CLINT1: variants seen among roughly 807,000 people sequenced by gnomAD.
CLINT1 encodes clathrin interactor 1.
A neutral mutation model predicts 70.4 loss-of-function variants in CLINT1; 15 were observed. The observed-to-expected ratio is 0.21, with a 90% CI of 0.14 to 0.33. The LOEUF (loss-of-function observed/expected upper bound fraction) is 0.33, where lower values mean the gene tolerates loss of function less well. Among genes scored for constraint, CLINT1 ranks in the 10% least tolerant of loss-of-function variants. The pLI is 1.00. For synonymous variants in CLINT1, 227 were observed against 254.7 expected, an observed-to-expected ratio of 0.89 and a Z score of 1.04; for missense variants, 615 against 778.1, an observed-to-expected ratio of 0.79 and a Z score of 2.49.
chr5:157,837,676 A>T (rs1481987418), intron 1 of CLINT1, among the ~76,000 whole-genome samples: 1 of 127,004 alleles, frequency 7.9e-6, no homozygotes, highest in Non-Finnish European at 1.6e-5. Context: ...ACGGAGTCTC[A>T]CTCTGTCCCC....
intron 7 of CLINT1, 23 bp from the exon 8 acceptor site, chr5:157,803,742 G>A: frequency 6.6e-7 from 1 of 1,510,308 alleles, no homozygotes; most frequent in Non-Finnish European, 8.9e-7. Context: ...ACATAACTCA[G>A]GAGCTTCGAA....
intron 1 of CLINT1, among the ~76,000 whole-genome samples, chr5:157,858,723 TG>T (rs897682577): frequency 1.1e-4 from 17 of 151,988 alleles, no homozygotes; most frequent in African/African-American, 3.6e-4. Flanking sequence ...GCCAAGAGGA[TG>T]TTTTTTTTTA....
intron 1 of CLINT1, among the ~76,000 whole-genome samples, chr5:157,851,625 A>T (rs958608961): frequency 1.3e-5 from 2 of 149,138 alleles, no homozygotes; most frequent in Non-Finnish European, 3.0e-5. Flanking sequence ...TAAACCTAGG[A>T]GGCTGAAGCA....
chr5:157,857,703 AAG>A (rs921768416), intron 1 of CLINT1, among the ~76,000 whole-genome samples: 3 of 152,188 alleles, frequency 2.0e-5, no homozygotes, highest in Admixed American at 1.3e-4. Flanking sequence ...TAACTTCCCC[AAG>A]GTTATAAAGC....
intron 1 of CLINT1, among the ~76,000 whole-genome samples, chr5:157,856,470 C>T (rs924387120): frequency 1.3e-5 from 2 of 152,222 alleles, no homozygotes; most frequent in African/African-American, 4.8e-5. Flanking sequence ...ATCCATCTAT[C>T]TGAATAGCCC....
chr5:157,790,497 T>C, intron 10 of CLINT1: 1 of 328,622 alleles, frequency 3.0e-6, no homozygotes, highest in South Asian at 2.5e-5. Flanking sequence ...AATGTACCAA[T>C]GCAAAGAATT....
intron 1 of CLINT1, among the ~76,000 whole-genome samples, chr5:157,825,202 G>A (rs1363827828): frequency 6.6e-6 from 1 of 152,090 alleles, no homozygotes; most frequent in African/African-American, 2.4e-5. Flanking sequence ...TCAATCCAAT[G>A]ATATCATATG....
At chr5:157,844,156 G>A (rs1753290589) in intron 1 of CLINT1, among the ~76,000 whole-genome samples, 2 of 152,008 alleles carry the variant, frequency 1.3e-5, no homozygotes, top group Admixed American at 1.3e-4. Context: ...AACTAGACTT[G>A]ACTTTTCTGA....
chr5:157,830,361 G>A (rs1763183622), intron 1 of CLINT1, among the ~76,000 whole-genome samples: 1 of 151,954 alleles, frequency 6.6e-6, no homozygotes, highest in Non-Finnish European at 1.5e-5. Flanking sequence ...TTTTCCTTTA[G>A]TCTTTTATTT....
rs1479502840 is a variant in CLINT1, at chr5:157,791,695, C to A, written c.1380+8G>T. 1 of 1,600,036 alleles carries A rather than the reference C, an allele frequency of 6.2e-7. No individual in the cohort carries two copies. The highest frequency in any genetic ancestry group is 1.7e-5 in the Admixed American group (1 of 58,028). The stretch of plus-strand genomic sequence containing the variant: ...AATAACAAATTCCAAGGGAACCAGA[C>A]AACTTACCTGTGATCTTGACATAGG... On this transcript the variant is annotated splice_region_variant and intron_variant, in intron 10 of 11. Coordinates refer to ENST00000411809, the MANE Select transcript of CLINT1 (RefSeq NM_014666.4).
At chr5:157,851,221 A>G (rs973329126) in intron 1 of CLINT1, among the ~76,000 whole-genome samples, 7 of 152,242 alleles carry the variant, frequency 4.6e-5, no homozygotes, top group African/African-American at 7.2e-5. Context: ...AAGCTATTTG[A>G]ATGAGAATTC....
At chr5:157,845,124 G>C (rs528820577) in intron 1 of CLINT1, among the ~76,000 whole-genome samples, 1 of 152,136 alleles carries the variant, frequency 6.6e-6, no homozygotes. Flanking sequence ...CAAGGCAGGC[G>C]AATCACTTGA....
chr5:157,815,874 A>T (rs1474146158), intron 3 of CLINT1, among the ~76,000 whole-genome samples: 1 of 152,278 alleles, frequency 6.6e-6, no homozygotes. Context: ...GAAAAGGTAC[A>T]GAACAAATAG....
chr5:157,805,111 T>C (rs1452258416), intron 7 of CLINT1, among the ~76,000 whole-genome samples: 1 of 152,228 alleles, frequency 6.6e-6, no homozygotes, highest in African/African-American at 2.4e-5. Context: ...GTATTTGTTA[T>C]TGCAACTAAG....
intron 9 of CLINT1, among the ~76,000 whole-genome samples, chr5:157,793,894 T>C (rs1561637404): frequency 6.6e-6 from 1 of 152,134 alleles, no homozygotes; most frequent in African/African-American, 2.4e-5. Context: ...ATAACAGCAA[T>C]AGATTATGTG....
intron 6 of CLINT1, among the ~76,000 whole-genome samples, chr5:157,806,422 TTAAAAA>T (rs1762386235): frequency 6.6e-6 from 1 of 152,166 alleles, no homozygotes; most frequent in Non-Finnish European, 1.5e-5. Flanking sequence ...TAAGCTTAAC[TTAAAAA>T]TAAAATAGGA....
At position 157,833,075 on chromosome 5, in the gene CLINT1, G is replaced by A. The variant is rs570100017; in HGVS notation, c.42-15528C>T. ...GCCTTTAAGCAGAAGTCCAGGCCAG[G>A]CGCGGTGGCTCACTCCTGTAATTCC... On this transcript the variant is annotated intron_variant, in intron 1 of 11. Transcript: ENST00000411809. Among the ~76,000 whole-genome samples, 4 of 152,274 alleles carry A rather than the reference G, an allele frequency of 2.6e-5. No individual in the cohort carries two copies. The South Asian group carries it at 8.3e-4, about 32-fold the overall frequency.
intron 10 of CLINT1, among the ~76,000 whole-genome samples, chr5:157,791,081 C>T (rs573256991): frequency 9.9e-5 from 15 of 151,852 alleles, no homozygotes; most frequent in East Asian, 5.8e-4. Flanking sequence ...TTTTTTGAGA[C>T]GGAGTATCAC....
At position 157,791,972 on chromosome 5, in the gene CLINT1, C is replaced by T. The variant is rs766397882; in HGVS notation, c.1111G>A (p.Asp371Asn). ...SQVTATSGNG[D>N]FGDWSAFNQA... ...TTGAAGGCACTCCAGTCACCAAAGT[C>T]TCCATTCCCACTTGTTGCTGTTACT... The change falls in exon 10 of 12, where the codon GAC becomes AAC. Residue 371 changes from aspartate to asparagine, a missense_variant. Asp to Asn is a conservative substitution (Grantham distance 23). Around this residue, in one of 2 missense-constraint regions of CLINT1, gnomAD observed 374 missense variants for 409.6 expected, o/e 0.91. Transcript: ENST00000411809. 3.1e-6 allele frequency: 5 copies of T among 1,613,508 alleles called. No homozygotes were observed. Among genetic ancestry groups the T allele is most frequent in the Non-Finnish European group, 4.2e-6 (5 of 1,179,726 alleles).
Sources: allele counts gnomAD v4.1 joint callset (sites outside exome capture counted in the v4.1 genomes callset), GRCh38; gene constraint gnomAD v4.1.1; regional missense constraint gnomAD v4.1.1; transcripts MANE v1.5; gene names NCBI Gene and HGNC (gene_info 2026-07-23, HGNC 2026-07-21).